Variants in CNGB3 observed in about 807,000 individuals in gnomAD.
The protein encoded by CNGB3 is cyclic nucleotide-gated channel beta-3.
Under a neutral mutation model 92.8 loss-of-function variants are expected in CNGB3, and 86 were observed. The observed-to-expected ratio is 0.93, with a 90% CI of 0.78 to 1.11. CNGB3 has a LOEUF of 1.11. Among genes scored for constraint, CNGB3 ranks in the 50% least tolerant of loss-of-function variants. The pLI is 0.00. For missense variants in CNGB3, 1,026 were observed against 956.8 expected (o/e 1.07, Z -0.95); for synonymous variants, 333 against 332.7 (o/e 1.00, Z -0.01).
rs747794498 is a variant in CNGB3 at position 86,668,084 on chromosome 8, T to A, written c.578A>T (p.Lys193Ile). ...TAAGTACTCTGTTAAAGGCATCTTT[T>A]TGACTTTGAACCACAACAGCCTGTA... The part of the protein sequence containing the change: ...HYYRLLWFKV[K>I]KMPLTEYLKR... The change falls in exon 5 of 18, where the codon AAA (lysine) becomes ATA (isoleucine). Residue 193 changes from lysine (K) to isoleucine (I), a missense_variant. Coordinates refer to ENST00000320005, the MANE Select transcript of CNGB3 (RefSeq NM_019098.5). 3.7e-6 allele frequency: 6 copies of A among 1,613,982 alleles called. No homozygotes were observed. Among genetic ancestry groups the A allele is most frequent in the Non-Finnish European group, 5.1e-6 (6 of 1,180,000 alleles).
At chr8:86,632,677 C>A in intron 11 of CNGB3, 75 bp downstream of exon 11, 3 of 1,477,992 alleles carry the variant, frequency 2.0e-6, no homozygotes, top group Non-Finnish European at 2.8e-6. Context: ...AATTTTTCCT[C>A]CATAAAGTTT....
intron 3 of CNGB3, among the ~76,000 whole-genome samples, chr8:86,685,497 C>T (rs1171382769): frequency 6.6e-6 from 1 of 152,092 alleles, no homozygotes. Flanking sequence ...AGCCACACTT[C>T]CTCCCCCACA....
At chr8:86,687,585 G>A (rs1824214294) in intron 3 of CNGB3, among the ~76,000 whole-genome samples, 1 of 152,024 alleles carries the variant, frequency 6.6e-6, no homozygotes, top group Non-Finnish European at 1.5e-5. Context: ...ACTTTAGAGT[G>A]ATGGAAACTT....
At chr8:86,686,026 G>T (rs1484413820) in intron 3 of CNGB3, among the ~76,000 whole-genome samples, 2 of 151,952 alleles carry the variant, frequency 1.3e-5, no homozygotes, top group African/African-American at 4.8e-5. Context: ...AATAAACCAT[G>T]GGAAAACACT....
At chr8:86,696,110 G>T (rs1824445349) in intron 3 of CNGB3, among the ~76,000 whole-genome samples, 1 of 152,108 alleles carries the variant, frequency 6.6e-6, no homozygotes, top group Admixed American at 6.5e-5. Context: ...TGGTGTGCTG[G>T]TTTTCTTGAA....
At chr8:86,619,913 G>A (rs565947350) in intron 13 of CNGB3, among the ~76,000 whole-genome samples, 7 of 151,776 alleles carry the variant, frequency 4.6e-5, no homozygotes, top group African/African-American at 1.2e-4. Flanking sequence ...GTAAAGATGA[G>A]GTCTCACTAT....
chr8:86,620,198 C>T (rs575166350), intron 13 of CNGB3, among the ~76,000 whole-genome samples: 3 of 152,260 alleles, frequency 2.0e-5, no homozygotes, highest in East Asian at 3.9e-4. Flanking sequence ...GTTTGCTCTC[C>T]GTAAAATGGG....
chr8:86,714,877 C>G (rs1291546181), intron 3 of CNGB3, among the ~76,000 whole-genome samples: 1 of 152,076 alleles, frequency 6.6e-6, no homozygotes, highest in African/African-American at 2.4e-5. Flanking sequence ...TGCTTTCCCC[C>G]ACTTCCCTGG....
At chr8:86,619,563 G>A (rs1476689339) in intron 13 of CNGB3, among the ~76,000 whole-genome samples, 1 of 151,994 alleles carries the variant, frequency 6.6e-6, no homozygotes, top group Admixed American at 6.6e-5. Flanking sequence ...GTGAAAATCT[G>A]TGACTCTAAT....
intron 15 of CNGB3, among the ~76,000 whole-genome samples, chr8:86,581,169 G>A (rs935930032): frequency 6.6e-6 from 1 of 152,152 alleles, no homozygotes; most frequent in African/African-American, 2.4e-5. Context: ...ATCCTTCAGA[G>A]AACTGAAGTC....
In CNGB3 at chr8:86,622,388, T is replaced by G. The variant is rs1822756132; in HGVS notation, c.1578+3595A>C. Among the ~76,000 whole-genome samples, 5 of 152,008 alleles carry G rather than the reference T, an allele frequency of 3.3e-5. No homozygotes were observed. In the South Asian group the frequency reaches 1.0e-3, roughly 32 times the overall value. ...GGGGCCATTCTTCTTTTTTTTTTTT[T>G]TTTTGAAAATGGAGTAATAATTTAC... On this transcript the variant is annotated intron_variant, in intron 13 of 17. Coordinates refer to ENST00000320005, the MANE Select transcript of CNGB3 (RefSeq NM_019098.5).
chr8:86,705,867 A>G (rs7004687), intron 3 of CNGB3, among the ~76,000 whole-genome samples: 12,550 of 152,220 alleles, frequency 0.082, 1,039 homozygotes, highest in African/African-American at 0.22. Flanking sequence ...GACACAGACT[A>G]GGAATAGTGG....
chr8:86,736,154 C>G (rs1019903679), intron 2 of CNGB3, among the ~76,000 whole-genome samples: 30 of 152,074 alleles, frequency 2.0e-4, no homozygotes, highest in African/African-American at 6.8e-4. Context: ...GTTCTATAAT[C>G]AGAAATCAAC....
intron 3 of CNGB3, among the ~76,000 whole-genome samples, chr8:86,713,705 G>A (rs910261405): frequency 3.3e-5 from 5 of 152,072 alleles, no homozygotes; most frequent in Admixed American, 2.0e-4. Flanking sequence ...GTATTTGGAG[G>A]TTAAAAATTC....
intron 17 of CNGB3, 143 bp downstream of exon 17, chr8:86,578,546 C>A: frequency 1.2e-6 from 1 of 803,320 alleles, no homozygotes; most frequent in Non-Finnish European, 2.2e-6. Context: ...TAATAATGTG[C>A]TATATATAAA....
At chr8:86,700,507 A>G (rs1824534560) in intron 3 of CNGB3, among the ~76,000 whole-genome samples, 1 of 152,216 alleles carries the variant, frequency 6.6e-6, no homozygotes, top group Non-Finnish European at 1.5e-5. Context: ...CTTGGTTACA[A>G]TTAACGAGAT....
intron 3 of CNGB3, among the ~76,000 whole-genome samples, chr8:86,708,563 A>ATTTTTTTTTTTTTTTTTTTTTTTTTTAT (rs10714055): frequency 1.2e-5 from 1 of 85,936 alleles, no homozygotes; most frequent in Non-Finnish European, 2.2e-5. Context: ...TCTTTTCTTA[A>ATTTTTTTTTTTTTTTTTTTTTTTTTTAT]TTTTTTTTTT....
intron 7 of CNGB3, among the ~76,000 whole-genome samples, chr8:86,652,965 G>T (rs1035914152): frequency 2.0e-5 from 3 of 151,952 alleles, no homozygotes; most frequent in African/African-American, 7.2e-5. Flanking sequence ...TATATGACTG[G>T]CAGCCCAGTA....
At chr8:86,658,237 C>T in intron 6 of CNGB3, 1 of 555,328 alleles carries the variant, frequency 1.8e-6, no homozygotes, top group Non-Finnish European at 3.4e-6. Context: ...CGTGGCCATG[C>T]CTGCTCCTCC....
Sources: allele counts gnomAD v4.1 joint callset (sites outside exome capture counted in the v4.1 genomes callset), GRCh38; gene constraint gnomAD v4.1.1; transcripts MANE v1.5; gene names NCBI Gene and HGNC (gene_info 2026-07-23, HGNC 2026-07-21).